HSD17B11: variants seen among roughly 807,000 people sequenced by gnomAD.
The protein encoded by HSD17B11 is hydroxysteroid 17-beta dehydrogenase 11.
A neutral mutation model predicts 27.8 loss-of-function variants in HSD17B11; 22 were observed. The ratio of observed to expected loss-of-function variants is 0.79; its 90% CI spans 0.56 to 1.13. The LOEUF is 1.13. Among genes scored for constraint, HSD17B11 ranks in the 50% most tolerant of loss-of-function variants. HSD17B11 has a pLI of 0.00. For synonymous variants in HSD17B11, 117 were observed against 132.8 expected, an observed-to-expected ratio of 0.88 and a Z score of 0.82; for missense variants, 314 against 351.1, an observed-to-expected ratio of 0.89 and a Z score of 0.84.
At chr4:87,371,317 G>C (rs761965782) in intron 4 of HSD17B11, among the ~76,000 whole-genome samples, 3 of 151,988 alleles carry the variant, frequency 2.0e-5, no homozygotes, top group African/African-American at 7.2e-5. Flanking sequence ...ACCATAACAC[G>C]GATAAATCTC....
intron 4 of HSD17B11, among the ~76,000 whole-genome samples, chr4:87,372,009 G>A (rs1230867876): frequency 6.6e-6 from 1 of 152,140 alleles, no homozygotes; most frequent in Non-Finnish European, 1.5e-5. Context: ...TTGGTAGGCC[G>A]AGGCGGGCGG....
intron 6 of HSD17B11, among the ~76,000 whole-genome samples, chr4:87,337,975 T>G (rs1390543617): frequency 6.6e-6 from 1 of 152,230 alleles, no homozygotes; most frequent in Non-Finnish European, 1.5e-5. Context: ...CCCAGCACTT[T>G]GGGAGGCAGA....
At chr4:87,358,085 C>A (rs188494385) in intron 4 of HSD17B11, among the ~76,000 whole-genome samples, 1 of 151,140 alleles carries the variant, frequency 6.6e-6, no homozygotes, top group South Asian at 2.1e-4. Context: ...CCTCAGCCTC[C>A]GCAGTAGCTG....
At chr4:87,338,523 T>C (rs983733916) in intron 6 of HSD17B11, among the ~76,000 whole-genome samples, 3 of 152,190 alleles carry the variant, frequency 2.0e-5, no homozygotes, top group African/African-American at 7.2e-5. Context: ...TACAATGTAC[T>C]GAGTACTTTT....
At chr4:87,379,498 T>A (rs1178623969) in intron 2 of HSD17B11, among the ~76,000 whole-genome samples, 1 of 146,886 alleles carries the variant, frequency 6.8e-6, no homozygotes, top group African/African-American at 2.5e-5. Flanking sequence ...ATAATATATA[T>A]TATATATACA....
intron 5 of HSD17B11, among the ~76,000 whole-genome samples, chr4:87,346,899 A>G (rs1353740870): frequency 6.6e-6 from 1 of 151,148 alleles, no homozygotes; most frequent in African/African-American, 2.4e-5. Context: ...ATTTTTAAAA[A>G]ATTTTAAAAA....
intron 1 of HSD17B11, among the ~76,000 whole-genome samples, chr4:87,386,249 C>A (rs1328078620): frequency 1.3e-5 from 2 of 151,884 alleles, no homozygotes; most frequent in Non-Finnish European, 2.9e-5. Flanking sequence ...GTCACCCAGC[C>A]TGGAGTGCAA....
intron 5 of HSD17B11, among the ~76,000 whole-genome samples, chr4:87,346,381 G>T (rs148178501): frequency 6.6e-6 from 1 of 152,178 alleles, no homozygotes; most frequent in African/African-American, 2.4e-5. Flanking sequence ...GGGTGCGGTG[G>T]CTCACGACTG....
At chr4:87,345,943 C>A in intron 5 of HSD17B11, among the ~76,000 whole-genome samples, 1 of 152,212 alleles carries the variant, frequency 6.6e-6, no homozygotes, top group Non-Finnish European at 1.5e-5. Flanking sequence ...AATTCATTCT[C>A]TGAGTCCCGA....
chr4:87,337,427 C>G, intron 6 of HSD17B11, 61 bp from the exon 7 acceptor site: 2 of 930,066 alleles, frequency 2.2e-6, no homozygotes, highest in Non-Finnish European at 1.7e-6. Flanking sequence ...TGTAGAATAC[C>G]CTCTTTAGAA....
chr4:87,371,098 T>C (rs1735709536), intron 4 of HSD17B11, among the ~76,000 whole-genome samples: 1 of 151,884 alleles, frequency 6.6e-6, no homozygotes, highest in African/African-American at 2.4e-5. Context: ...AAGCACAGAG[T>C]AGAGTAACTT....
At chr4:87,365,324 C>T (rs995279783) in intron 4 of HSD17B11, among the ~76,000 whole-genome samples, 7 of 151,898 alleles carry the variant, frequency 4.6e-5, no homozygotes, top group Admixed American at 2.0e-4. Flanking sequence ...CCTTTTTGTT[C>T]GTGTGACTTT....
chr4:87,355,611 C>G (rs527566546), intron 5 of HSD17B11, among the ~76,000 whole-genome samples: 1 of 151,990 alleles, frequency 6.6e-6, no homozygotes, highest in Non-Finnish European at 1.5e-5. Flanking sequence ...AATTAAAAAT[C>G]TCTAGAGCTC....
Position 87,391,117 on chromosome 4 carries a change from C to CTTTTT in HSD17B11, c.-48_-47insAAAAA. 7.3e-7 allele frequency: 1 copy of CTTTTT among 1,374,728 alleles called. No individual in the cohort carries two copies. The highest frequency in any genetic ancestry group is 1.5e-5 in the African/African-American group (1 of 66,076). 85.2% of individuals were successfully genotyped at this position (1,374,728 alleles called of 1,614,324 possible). On this transcript the variant is annotated 5_prime_UTR_variant, in exon 1 of 7. Coordinates refer to ENST00000358290, the MANE Select transcript of HSD17B11 (RefSeq NM_016245.5). ...TTGGTGTGTTTTTTTTTTTTTTTAC[C>CTTTTT]ACTCTAAACTGCTTTTAGAGGGTAG... is the stretch of plus-strand genomic sequence containing the variant.
intron 1 of HSD17B11, chr4:87,386,963 G>A (rs1720336595): frequency 6.6e-6 from 1 of 152,266 alleles, no homozygotes; most frequent in Non-Finnish European, 1.5e-5. Flanking sequence ...CAGCACCAGA[G>A]CTCTGACCTG....
chr4:87,355,771 G>A (rs1009211868), intron 5 of HSD17B11, among the ~76,000 whole-genome samples: 1 of 152,056 alleles, frequency 6.6e-6, no homozygotes. Context: ...GGGCGTGGTC[G>A]TGCGTGCCTG....
At chr4:87,363,292 A>G (rs1157582949) in intron 4 of HSD17B11, among the ~76,000 whole-genome samples, 2 of 152,162 alleles carry the variant, frequency 1.3e-5, no homozygotes, top group African/African-American at 4.8e-5. Context: ...CTGTGCAAAC[A>G]GTTGAATGAA....
chr4:87,390,960 T>C lies in HSD17B11; in HGVS notation c.111A>G (p.Glu37=), dbSNP rs760772726. 4 of 1,614,136 alleles carry C rather than the reference T, an allele frequency of 2.5e-6. No individual in the cohort carries two copies. Among genetic ancestry groups the C allele is most frequent in the Admixed American group, 1.7e-5 (1 of 60,012 alleles). The change falls in exon 1 of 7, where the codon GAA becomes GAG. Residue 37 remains glutamate (E), a synonymous_variant. Coordinates refer to ENST00000358290, the MANE Select transcript of HSD17B11 (RefSeq NM_016245.5). ...IPKRRKSVTG[E]IVLITGAGHG... is the part of the protein sequence containing the mutation. ...GCCCAGCTCCTGTAATCAGCACGATTTCGCCGGTGACTGATTTTCTCCTCT... is the reference window on the plus strand; with the variant it reads ...GCCCAGCTCCTGTAATCAGCACGATCTCGCCGGTGACTGATTTTCTCCTCT...
At chr4:87,345,496 C>A (rs1322613572) in intron 5 of HSD17B11, among the ~76,000 whole-genome samples, 1 of 151,896 alleles carries the variant, frequency 6.6e-6, no homozygotes, top group African/African-American at 2.4e-5. Context: ...AGAAAAACTA[C>A]AGAGAAAATC....
Sources: allele counts gnomAD v4.1 joint callset (sites outside exome capture counted in the v4.1 genomes callset), GRCh38; gene constraint gnomAD v4.1.1; transcripts MANE v1.5; gene names NCBI Gene and HGNC (gene_info 2026-07-23, HGNC 2026-07-21).